RBFOX1: variants seen among roughly 807,000 people sequenced by gnomAD.
RBFOX1 encodes the protein RNA binding protein fox-1 homolog 1.
A neutral mutation model predicts 57.7 loss-of-function variants in RBFOX1; 8 were observed. That is an observed-to-expected ratio of 0.14 (90% confidence interval 0.08 to 0.25). The LOEUF is 0.25. RBFOX1 is among the 10% of genes least tolerant of loss of function. The pLI is 1.00. For synonymous variants in RBFOX1, 326 were observed against 222.4 expected (o/e 1.47, Z -4.15); for missense variants, 611 against 548.5 (o/e 1.11, Z -1.14).
intron 2 of RBFOX1, among the ~76,000 whole-genome samples, chr16:5,558,444 C>T (rs2045763322): frequency 6.6e-6 from 1 of 152,062 alleles, no homozygotes; most frequent in Non-Finnish European, 1.5e-5. Context: ...AGGAGCGAGC[C>T]ACAGCCCTGT....
chr16:5,517,486 C>G (rs774451962), intron 2 of RBFOX1, among the ~76,000 whole-genome samples: 21 of 152,162 alleles, frequency 1.4e-4, no homozygotes, highest in Non-Finnish European at 2.6e-4. Context: ...TCTGAATGTA[C>G]TAATTCTAAA....
chr16:6,504,321 C>G (rs1488129011), intron 2 of RBFOX1, among the ~76,000 whole-genome samples: 4 of 152,222 alleles, frequency 2.6e-5, no homozygotes, highest in African/African-American at 9.6e-5. Flanking sequence ...CCAGCTTCAA[C>G]TTCACATTCC....
rs1287245428 is a variant in RBFOX1, at chr16:6,635,773, T to C, written c.-63-18830T>C. ...TTTATTTTACCCAACATAAACTATT[T>C]TGATGCACTTGACCAGTCAGTCTTA... On this transcript the variant is annotated intron_variant, in intron 2 of 15. Coordinates refer to ENST00000550418, the MANE Select transcript of RBFOX1 (RefSeq NM_018723.4). 3.3e-5 allele frequency among the ~76,000 whole-genome samples: 5 copies of C among 152,298 alleles called. No homozygotes were observed. In the South Asian group the frequency reaches 8.3e-4, roughly 25 times the overall value.
intron 1 of RBFOX1, among the ~76,000 whole-genome samples, chr16:6,144,152 G>A (rs776159890): frequency 3.9e-5 from 6 of 151,928 alleles, no homozygotes; most frequent in Admixed American, 6.6e-5. Context: ...CCTATAGCAT[G>A]GATCAACAAA....
At chr16:6,349,837 C>T (rs1489921891) in intron 2 of RBFOX1, among the ~76,000 whole-genome samples, 1 of 151,940 alleles carries the variant, frequency 6.6e-6, no homozygotes. Context: ...ATAAGATATC[C>T]AACTCCAAGA....
rs543344498 is a variant in RBFOX1 at position 6,485,257 on chromosome 16, A to G, written c.-64+168200A>G. On this transcript the variant is annotated intron_variant, in intron 2 of 15. Transcript: ENST00000550418. ...CCCACACGTGTGATGCCTCCCCTCT[A>G]TTAGAATACTCAGAGGTTATGAAGA... is the stretch of plus-strand genomic sequence containing the variant. 1.7e-4 allele frequency among the ~76,000 whole-genome samples: 26 copies of G among 152,178 alleles called. No individual in the cohort carries two copies. The South Asian group carries it at 1.9e-3, about 11-fold the overall frequency.
At chr16:7,185,393 A>T (rs1442804772) in intron 4 of RBFOX1, among the ~76,000 whole-genome samples, 2 of 152,178 alleles carry the variant, frequency 1.3e-5, no homozygotes, top group Non-Finnish European at 2.9e-5. Flanking sequence ...AATGCATTTG[A>T]CAGAGATGGA....
At chr16:6,483,965 C>T in intron 2 of RBFOX1, 1 of 1,035,834 alleles carries the variant, frequency 9.7e-7, no homozygotes, top group Non-Finnish European at 1.2e-6. Context: ...GTGCTCAGGG[C>T]TCGCCCTGGG....
intron 2 of RBFOX1, among the ~76,000 whole-genome samples, chr16:5,558,753 T>C (rs1343320004): frequency 6.6e-6 from 1 of 152,180 alleles, no homozygotes; most frequent in Non-Finnish European, 1.5e-5. Flanking sequence ...TGTAGCTTTC[T>C]GGCCAAAGCC....
At position 5,817,110 on chromosome 16, in the gene RBFOX1, A is replaced by C. The variant is rs1178133753; in HGVS notation, c.319-50193A>C. ...CAGCTGAGGATATCCCCTTTCCTGT[A>C]CATCTTCCCTGCATTGTAATCCAAT... On this transcript the variant is annotated intron_variant, in intron 3 of 19. Coordinates refer to the RBFOX1 transcript ENST00000641259. Among the ~76,000 whole-genome samples the C allele has an allele frequency of 2.0e-5, 3 of 152,132 alleles. No individual in the cohort carries two copies. The East Asian group carries it at 5.8e-4, about 29-fold the overall frequency.
intron 8 of RBFOX1, among the ~76,000 whole-genome samples, chr16:7,596,724 T>C (rs2094719634): frequency 6.6e-6 from 1 of 152,228 alleles, no homozygotes; most frequent in Non-Finnish European, 1.5e-5. Context: ...GATTGAGTTA[T>C]GACCGGTGCA....
chr16:7,371,937 A>C (rs975070898), intron 4 of RBFOX1, among the ~76,000 whole-genome samples: 1 of 151,716 alleles, frequency 6.6e-6, no homozygotes, highest in African/African-American at 2.4e-5. Context: ...TGGCTGTGAC[A>C]TACCTTATTT....
intron 3 of RBFOX1, among the ~76,000 whole-genome samples, chr16:5,727,674 T>TTTG (rs1327855858): frequency 1.3e-5 from 2 of 152,020 alleles, no homozygotes; most frequent in Non-Finnish European, 2.9e-5. Context: ...CTACTCTGTT[T>TTTG]TTGTTGTTGT....
chr16:6,490,441 A>G (rs2095606524), intron 2 of RBFOX1, among the ~76,000 whole-genome samples: 1 of 152,164 alleles, frequency 6.6e-6, no homozygotes, highest in Non-Finnish European at 1.5e-5. Context: ...CTCGAATACA[A>G]GCCACCGTGG....
intron 4 of RBFOX1, among the ~76,000 whole-genome samples, chr16:7,075,589 C>G (rs534034564): frequency 4.0e-5 from 6 of 151,300 alleles, no homozygotes; most frequent in Admixed American, 2.6e-4. Flanking sequence ...ATTTATTTTT[C>G]TTTTTTTATG....
At chr16:7,303,531 G>T (rs1408027133) in intron 4 of RBFOX1, among the ~76,000 whole-genome samples, 2 of 152,090 alleles carry the variant, frequency 1.3e-5, no homozygotes, top group African/African-American at 4.8e-5. Flanking sequence ...GGTTTTAGCA[G>T]ACCGAATTTA....
intron 1 of RBFOX1, among the ~76,000 whole-genome samples, chr16:5,410,810 C>G (rs931124877): frequency 6.6e-6 from 1 of 152,188 alleles, no homozygotes; most frequent in Admixed American, 6.5e-5. Flanking sequence ...CTGTTCAAAC[C>G]CCAACTGAAA....
intron 3 of RBFOX1, among the ~76,000 whole-genome samples, chr16:5,675,427 C>G (rs976980345): frequency 6.6e-6 from 1 of 152,092 alleles, no homozygotes; most frequent in Admixed American, 6.5e-5. Context: ...TTCAGCCAGG[C>G]GGCCACAGAT....
chr16:6,131,115 G>C (rs1310880515), intron 1 of RBFOX1, among the ~76,000 whole-genome samples: 1 of 152,178 alleles, frequency 6.6e-6, no homozygotes, highest in Non-Finnish European at 1.5e-5. Context: ...TTTATGGTGA[G>C]AAAGTTCAGA....
Sources: allele counts gnomAD v4.1 joint callset (sites outside exome capture counted in the v4.1 genomes callset), GRCh38; gene constraint gnomAD v4.1.1; transcripts MANE v1.5; gene names NCBI Gene and HGNC (gene_info 2026-07-23, HGNC 2026-07-21).